CHST1: variants seen among roughly 807,000 people sequenced by gnomAD.
CHST1 encodes the protein carbohydrate sulfotransferase 1.
Under a neutral mutation model 22.5 loss-of-function variants are expected in CHST1, and 10 were observed. The ratio of observed to expected loss-of-function variants is 0.44; its 90% CI spans 0.27 to 0.75. The LOEUF (loss-of-function observed/expected upper bound fraction) is 0.75. Ranked by LOEUF, CHST1 falls within the 30% of genes least tolerant of loss-of-function variation. The pLI is 0.15. For missense variants in CHST1, 439 were observed against 576.1 expected, an observed-to-expected ratio of 0.76 and a Z score of 2.44; for synonymous variants, 267 against 264.5, an observed-to-expected ratio of 1.01 and a Z score of -0.09.
At position 45,649,600 on chromosome 11, in the gene CHST1, G is replaced by T; in HGVS notation, c.*88C>A. 1 of 1,324,934 alleles carries T rather than the reference G, an allele frequency of 7.5e-7. No homozygotes were observed. Among genetic ancestry groups the T allele is most frequent in the Non-Finnish European group, 1.0e-6 (1 of 974,548 alleles). The allele number at this position is 1,324,934 out of a possible 1,614,324, so 82.1% of individuals were successfully genotyped here. On this transcript the variant is annotated 3_prime_UTR_variant, in exon 4 of 4. Transcript: ENST00000308064. ...AGGACACGAAGATGAGGTGGGAGAGGGAGGGGTTAATAAGGCAACAGTTAA... is the reference window on the plus strand; with the variant it reads ...AGGACACGAAGATGAGGTGGGAGAGTGAGGGGTTAATAAGGCAACAGTTAA...
At chr11:45,660,121 G>C (rs1211495295) in intron 1 of CHST1, among the ~76,000 whole-genome samples, 2 of 152,216 alleles carry the variant, frequency 1.3e-5, no homozygotes, top group African/African-American at 4.8e-5. Flanking sequence ...TGGCGGCCTA[G>C]CACCATGGTA....
At chr11:45,654,517 A>G (rs1174506473) in intron 1 of CHST1, among the ~76,000 whole-genome samples, 1 of 152,212 alleles carries the variant, frequency 6.6e-6, no homozygotes, top group South Asian at 2.1e-4. Flanking sequence ...TGTCCTTGGT[A>G]TGCTAAAGGC....
rs755751075 is a variant in CHST1 at position 45,650,284 on chromosome 11, T to G, written c.640A>C (p.Asn214His). Residue 214 changes from asparagine (N) to histidine (H), a missense_variant, in exon 4 of 4, where the codon AAC becomes CAC. Physicochemically the swap from Asn to His is moderately conservative, Grantham distance 68. Transcript: ENST00000308064. The part of the protein sequence containing the change: ...AIKTVRVPEV[N>H]DLRALVEDPR... ...TCTTCCACCAGGGCGCGCAGGTCGT[T>G]CACCTCGGGCACGCGCACCGTCTTG... 6.2e-7 allele frequency: 1 copy of G among 1,605,736 alleles called. No homozygotes were observed. Among genetic ancestry groups the G allele is most frequent in the Non-Finnish European group, 8.5e-7 (1 of 1,179,392 alleles).
Position 45,650,341 on chromosome 11 carries a change from C to G in CHST1, c.583G>C (p.Glu195Gln), listed in dbSNP as rs760717126. The G allele has an allele frequency of 1.9e-6, 3 of 1,603,108 alleles. No homozygotes were observed. Among genetic ancestry groups the G allele is most frequent in the East Asian group, 2.2e-5 (1 of 44,870 alleles). ...CGLLNLTVAAEACRERSHVAI... is the reference protein window; with the variant it reads ...CGLLNLTVAAQACRERSHVAI... ...ACGTGGCTGCGCTCGCGGCACGCCT[C>G]GGCCGCCACGGTCAGGTTGAGTAGC... is the stretch of plus-strand genomic sequence containing the variant. Residue 195 changes from glutamate (E) to glutamine (Q), a missense_variant, in exon 4 of 4, where the codon GAG becomes CAG. Physicochemically the swap from Glu to Gln is conservative, Grantham distance 29. Transcript: ENST00000308064.
intron 1 of CHST1, among the ~76,000 whole-genome samples, chr11:45,660,105 A>G (rs931202104): frequency 6.6e-6 from 1 of 152,220 alleles, no homozygotes; most frequent in Non-Finnish European, 1.5e-5. Flanking sequence ...GGCTGCTCAT[A>G]TACAGTGGCG....
chr11:45,659,597 C>T (rs1358009930), intron 1 of CHST1, among the ~76,000 whole-genome samples: 1 of 152,086 alleles, frequency 6.6e-6, no homozygotes. Context: ...GAGGGTTTTC[C>T]CTCCCCAGCT....
intron 1 of CHST1, among the ~76,000 whole-genome samples, chr11:45,656,880 G>A (rs761034813): frequency 7.9e-5 from 12 of 152,140 alleles, no homozygotes; most frequent in Non-Finnish European, 1.8e-4. Flanking sequence ...GGACGGAGCT[G>A]AAATAAAGCT....
At chr11:45,661,242 G>T (rs1852128819) in intron 1 of CHST1, among the ~76,000 whole-genome samples, 1 of 152,250 alleles carries the variant, frequency 6.6e-6, no homozygotes, top group South Asian at 2.1e-4. Flanking sequence ...CCCGGGTGGA[G>T]AAGGCAAGCC....
intron 1 of CHST1, among the ~76,000 whole-genome samples, chr11:45,654,861 T>C (rs1009784372): frequency 4.6e-5 from 7 of 152,312 alleles, no homozygotes; most frequent in East Asian, 3.9e-4. Flanking sequence ...CAGCTCTATA[T>C]TGGAAAACTG....
In CHST1 at chr11:45,649,973, G is replaced by A; in HGVS notation, c.951C>T (p.Tyr317=). 1 of 1,613,664 alleles carries A rather than the reference G, an allele frequency of 6.2e-7. No individual in the cohort carries two copies. The change falls in exon 4 of 4, where the codon TAC becomes TAT. Residue 317 remains tyrosine (Y), a synonymous_variant. Coordinates refer to ENST00000308064, the MANE Select transcript of CHST1 (RefSeq NM_003654.6). ...TGTCCAGCGGGATGCCCAGGAACCC[G>A]TAGATCTCCTCGGTCTTCTTCATAG... The part of the protein sequence containing the change: ...RNPMKKTEEI[Y]GFLGIPLDSH...
rs544861343 is a variant in CHST1, at chr11:45,651,669, T to C, written c.-43+324A>G. 7 of 152,306 alleles carry C rather than the reference T, an allele frequency of 4.6e-5. No homozygotes were observed. The South Asian group carries it at 1.0e-3, about 23-fold the overall frequency. 9.4% of individuals were successfully genotyped at this position (152,306 alleles called of 1,614,324 possible). A position where few individuals can be genotyped will look rare whatever the true frequency, so the allele number is the denominator to read the frequency against. On this transcript the variant is annotated intron_variant, in intron 3 of 3. Coordinates refer to ENST00000308064, the MANE Select transcript of CHST1 (RefSeq NM_003654.6). The stretch of plus-strand genomic sequence containing the variant: ...AGGCAACCCTTCCCAGCACCCAGGG[T>C]CTGTTCCTGGTCTCTAGGGACAAGG...
In CHST1 at chr11:45,649,658, C is replaced by T; in HGVS notation, c.*30G>A. ...CCATTTTATCAAAACCGACACCTTG[C>T]GCCTCCCGCCCCCACCCGCACCGCC... On this transcript the variant is annotated 3_prime_UTR_variant, in exon 4 of 4. Coordinates refer to ENST00000308064, the MANE Select transcript of CHST1 (RefSeq NM_003654.6). The T allele has an allele frequency of 1.3e-6, 2 of 1,513,158 alleles. No homozygotes were observed. The highest frequency in any genetic ancestry group is 1.8e-6 in the Non-Finnish European group (2 of 1,138,824). The allele number at this position is 1,513,158 out of a possible 1,614,324, so 93.7% of individuals were successfully genotyped here.
At chr11:45,654,183 C>T (rs1852032110) in intron 1 of CHST1, among the ~76,000 whole-genome samples, 1 of 152,146 alleles carries the variant, frequency 6.6e-6, no homozygotes, top group African/African-American at 2.4e-5. Context: ...GGGGAGGGGG[C>T]CGTTTAAGTT....
chr11:45,663,363 G>C (rs45497798), intron 1 of CHST1, among the ~76,000 whole-genome samples: 27 of 152,150 alleles, frequency 1.8e-4, no homozygotes, highest in African/African-American at 4.6e-4. Context: ...GCAAGGGTTG[G>C]GGGGAGAGTG....
chr11:45,650,295 AC>A lies in CHST1; in HGVS notation c.628del (p.Val210CysfsTer4). On this transcript the variant is annotated frameshift_variant, in exon 4 of 4. Coordinates refer to ENST00000308064, the MANE Select transcript of CHST1 (RefSeq NM_003654.6). LOFTEE classifies it high-confidence loss of function. ...GGCGCGCAGGTCGTTCACCTCGGGC[AC>A]GCGCACCGTCTTGATGGCCACGTGG... is the stretch of plus-strand genomic sequence containing the variant. ...RSHVAIKTVR[V>X]PEVNDLRALV... is the part of the protein sequence containing the mutation. 6.2e-7 allele frequency: 1 copy of A among 1,605,136 alleles called. No homozygotes were observed.
chr11:45,659,094 G>T (rs1193430257), intron 1 of CHST1, among the ~76,000 whole-genome samples: 2 of 152,186 alleles, frequency 1.3e-5, no homozygotes, highest in East Asian at 3.9e-4. Flanking sequence ...GGAGGAGGCT[G>T]CCGACGTGGA....
chr11:45,659,408 G>C (rs925355813), intron 1 of CHST1, among the ~76,000 whole-genome samples: 1 of 152,088 alleles, frequency 6.6e-6, no homozygotes, highest in Admixed American at 6.5e-5. Context: ...CATTGGTGCC[G>C]ATCTCGATCA....
At chr11:45,659,825 G>A (rs1852107118) in intron 1 of CHST1, among the ~76,000 whole-genome samples, 1 of 152,192 alleles carries the variant, frequency 6.6e-6, no homozygotes, top group Admixed American at 6.5e-5. Context: ...ATTACCATCT[G>A]GCCTGAAACA....
intron 1 of CHST1, among the ~76,000 whole-genome samples, chr11:45,664,937 C>G (rs536728434): frequency 7.2e-4 from 109 of 152,322 alleles, no homozygotes; most frequent in African/African-American, 2.5e-3. Context: ...GTTTGCTGCC[C>G]TCCTCGAATG....
Sources: allele counts gnomAD v4.1 joint callset (sites outside exome capture counted in the v4.1 genomes callset), GRCh38; gene constraint gnomAD v4.1.1; transcripts MANE v1.5; gene names NCBI Gene and HGNC (gene_info 2026-07-23, HGNC 2026-07-21).